Variants in LRCH3 observed in about 807,000 individuals in gnomAD.
The protein encoded by LRCH3 is DISP complex protein LRCH3.
LRCH3 carries 68 observed loss-of-function variants against 104.5 expected under a neutral mutation model. The observed-to-expected ratio is 0.65, with a 90% CI of 0.54 to 0.80. The LOEUF (loss-of-function observed/expected upper bound fraction) is 0.80. Among genes scored for constraint, LRCH3 ranks in the 30% least tolerant of loss-of-function variants. LRCH3 has a pLI of 0.00. For missense variants in LRCH3, 951 were observed against 953.9 expected (o/e 1.00, Z 0.04); for synonymous variants, 344 against 361.3 (o/e 0.95, Z 0.54).
intron 9 of LRCH3, among the ~76,000 whole-genome samples, chr3:197,838,259 A>C (rs1737195425): frequency 6.6e-6 from 1 of 152,228 alleles, no homozygotes; most frequent in South Asian, 2.1e-4. Context: ...GTCTCCAGAT[A>C]AGCAAAAATT....
intron 19 of LRCH3, among the ~76,000 whole-genome samples, chr3:197,871,805 G>C (rs968013818): frequency 6.6e-6 from 1 of 152,324 alleles, no homozygotes; most frequent in Non-Finnish European, 1.5e-5. Flanking sequence ...TACAGAGAGG[G>C]GAGGGGGCCT....
intron 4 of LRCH3, among the ~76,000 whole-genome samples, chr3:197,824,179 C>T (rs1222911378): frequency 6.6e-6 from 1 of 151,980 alleles, no homozygotes; most frequent in Non-Finnish European, 1.5e-5. Flanking sequence ...ATTCTCCTGC[C>T]TCAGCCTCCT....
intron 5 of LRCH3, among the ~76,000 whole-genome samples, chr3:197,827,923 A>G (rs1735422345): frequency 6.6e-6 from 1 of 151,860 alleles, no homozygotes; most frequent in Non-Finnish European, 1.5e-5. Flanking sequence ...CTAAAAATAC[A>G]AAAATTAGCC....
At chr3:197,797,327 C>CAAAAAAAA (rs3085302) in intron 1 of LRCH3, among the ~76,000 whole-genome samples, 8 of 71,508 alleles carry the variant, frequency 1.1e-4, no homozygotes, top group East Asian at 5.0e-4. Context: ...AACTCCATCT[C>CAAAAAAAA]AAAAAAAAAA....
chr3:197,817,491 T>C (rs985086017), intron 3 of LRCH3, among the ~76,000 whole-genome samples, 189 bp downstream of exon 3: 1 of 150,946 alleles, frequency 6.6e-6, no homozygotes, highest in Admixed American at 6.7e-5. Context: ...TAATGAATCA[T>C]ATACTGAATT....
chr3:197,881,766 G>T, intron 20 of LRCH3: 6 of 985,424 alleles, frequency 6.1e-6, no homozygotes, highest in Non-Finnish European at 7.2e-6. Flanking sequence ...GATAAAGGAT[G>T]AACTCAAGTG....
Position 197,817,162 on chromosome 3 carries a change from A to G in LRCH3, c.408-14A>G. On this transcript the variant is annotated splice_polypyrimidine_tract_variant and intron_variant, in intron 2 of 20. Transcript: ENST00000425562. ...TGGACTCTGATTCTTCTCTCTTTCT[A>G]CTTACCCATTTAGTCGGAACCAACT... 2 of 1,587,760 alleles carry G rather than the reference A, an allele frequency of 1.3e-6. No homozygotes were observed. Among genetic ancestry groups the G allele is most frequent in the Admixed American group, 1.8e-5 (1 of 56,368 alleles).
chr3:197,879,729 T>G (rs574136399), intron 20 of LRCH3, among the ~76,000 whole-genome samples: 1 of 152,340 alleles, frequency 6.6e-6, no homozygotes, highest in African/African-American at 2.4e-5. Context: ...CCCCGGATCA[T>G]GAGGCTTTCC....
At chr3:197,852,472 A>G (rs1739737374) in intron 12 of LRCH3, 89 bp from the exon 13 acceptor site, 13 of 1,205,252 alleles carry the variant, frequency 1.1e-5, no homozygotes, top group Non-Finnish European at 1.4e-5. Context: ...AATTAATTTG[A>G]GTGATTATTT....
chr3:197,836,762 C>T (rs992303187), intron 9 of LRCH3, among the ~76,000 whole-genome samples: 1 of 152,246 alleles, frequency 6.6e-6, no homozygotes, highest in Non-Finnish European at 1.5e-5. Flanking sequence ...ACTGCAGCCT[C>T]TGCCTCCCAG....
chr3:197,847,699 A>G (rs1738952778), intron 11 of LRCH3, 173 bp from the exon 12 acceptor site: 1 of 15,810 alleles, frequency 6.3e-5, no homozygotes, highest in African/African-American at 2.1e-3. Flanking sequence ...TAATACATAT[A>G]AGAACCGTGC....
At chr3:197,837,636 A>G (rs1737022660) in intron 9 of LRCH3, among the ~76,000 whole-genome samples, 1 of 152,136 alleles carries the variant, frequency 6.6e-6, no homozygotes, top group African/African-American at 2.4e-5. Flanking sequence ...ACATACATAG[A>G]CCATTCCTGT....
At chr3:197,866,659 G>T (rs1741520609) in intron 17 of LRCH3, among the ~76,000 whole-genome samples, 1 of 152,134 alleles carries the variant, frequency 6.6e-6, no homozygotes, top group African/African-American at 2.4e-5. Flanking sequence ...AACATTTCAA[G>T]TCAAAAATAA....
In LRCH3 at chr3:197,814,960, T is replaced by C. The variant is rs1478708909; in HGVS notation, c.315T>C (p.Val105=). 1 of 1,602,292 alleles carries C rather than the reference T, an allele frequency of 6.2e-7. No homozygotes were observed. ...TTCCTATAGAAGCATGTCACTTTGT[T>C]TCTCTGGAAAATCTCAACTTGTACC... The part of the protein sequence containing the change: ...SEIPIEACHF[V]SLENLNLYQN... Residue 105 remains valine, a synonymous_variant, in exon 2 of 21, where the codon GTT becomes GTC. Transcript: ENST00000425562.
At chr3:197,852,650 A>C (rs1024170163) in intron 13 of LRCH3, 30 bp downstream of exon 13, 26 of 1,602,456 alleles carry the variant, frequency 1.6e-5, no homozygotes, top group Admixed American at 6.7e-5. Context: ...TTTTCTTTGG[A>C]GTTGATTATT....
Position 197,839,406 on chromosome 3 carries a change from A to C in LRCH3, c.1328+9A>C, listed in dbSNP as rs1324895858. On this transcript the variant is annotated intron_variant, in intron 10 of 20. Coordinates refer to ENST00000425562, the MANE Select transcript of LRCH3 (RefSeq NM_001365715.1). The stretch of plus-strand genomic sequence containing the variant: ...TATTTACATCAAAACAGGTTTGAAA[A>C]ACCAATTCTACTTAATTTGTTTCTG... 2.6e-6 allele frequency: 4 copies of C among 1,514,542 alleles called. No homozygotes were observed. The highest frequency in any genetic ancestry group is 3.6e-6 in the Non-Finnish European group (4 of 1,111,224). The allele number at this position is 1,514,542 out of a possible 1,614,324, so 93.8% of individuals were successfully genotyped here.
At chr3:197,870,058 A>T (rs1711948889) in intron 17 of LRCH3, 102 bp from the exon 18 acceptor site, 15 of 1,175,444 alleles carry the variant, frequency 1.3e-5, no homozygotes, top group Middle Eastern at 4.0e-4. Context: ...GGAGGTAGAA[A>T]GCCATGCACT....
At chr3:197,800,987 C>G (rs1029243606) in intron 1 of LRCH3, among the ~76,000 whole-genome samples, 7 of 151,568 alleles carry the variant, frequency 4.6e-5, no homozygotes, top group African/African-American at 1.7e-4. Context: ...TTTAGCTACT[C>G]AGGAGGCTGA....
chr3:197,851,728 A>C lies in LRCH3; in HGVS notation c.1531-833A>C, dbSNP rs139369297. The stretch of plus-strand genomic sequence containing the variant: ...TAGTATGGTAGATGCTATATCCCCT[A>C]TTACTATAATAAAATGGATTTGCTG... On this transcript the variant is annotated intron_variant, in intron 12 of 20. Transcript: ENST00000425562. 3.2e-4 allele frequency among the ~76,000 whole-genome samples: 49 copies of C among 152,288 alleles called. No homozygotes were observed. In the East Asian group the frequency reaches 9.1e-3, roughly 28 times the overall value.
Sources: gnomAD v4.1 joint callset for allele counts (sites outside exome capture counted in the v4.1 genomes callset) on GRCh38, gnomAD v4.1.1 for gene constraint, MANE v1.5 for transcripts, NCBI Gene and HGNC (gene_info 2026-07-23, HGNC 2026-07-21) for gene names.